The following OTOGL variants were observed in gnomAD, a reference collection of about 807,000 sequenced individuals.
OTOGL encodes otogelin like.
A neutral mutation model predicts 318.5 loss-of-function variants in OTOGL; 285 were observed. The observed-to-expected ratio is 0.89, with a 90% CI of 0.81 to 0.99. OTOGL has a LOEUF of 0.99. Among genes scored for constraint, OTOGL ranks in the 50% least tolerant of loss-of-function variants. The probability of loss-of-function intolerance (pLI) is 0.00; values close to 1 mark genes in which losing one functional copy is unlikely to be tolerated. For synonymous variants in OTOGL, 987 were observed against 936.5 expected, an observed-to-expected ratio of 1.05 and a Z score of -0.99; for missense variants, 2,899 against 2,845.6, an observed-to-expected ratio of 1.02 and a Z score of -0.43.
chr12:80,193,698 T>C (rs1220982955), intron 1 of OTOGL, among the ~76,000 whole-genome samples: 1 of 152,152 alleles, frequency 6.6e-6, no homozygotes, highest in Non-Finnish European at 1.5e-5. Context: ...TTGCGGTACA[T>C]GTGCAAGAGC....
intron 52 of OTOGL, 118 bp downstream of exon 52, chr12:80,359,018 A>G (rs992826200): frequency 2.4e-6 from 2 of 825,706 alleles, no homozygotes; most frequent in Non-Finnish European, 3.6e-6. Context: ...ATTAAATTGT[A>G]CTAAAGTAGA....
At chr12:80,172,302 C>T (rs1485215070) in intron 1 of OTOGL, among the ~76,000 whole-genome samples, 1 of 150,748 alleles carries the variant, frequency 6.6e-6, no homozygotes, top group African/African-American at 2.5e-5. Flanking sequence ...CTCCTTTGAG[C>T]CCCTAGAGTA....
At chr12:80,342,658 T>C (rs544488025) in intron 44 of OTOGL, among the ~76,000 whole-genome samples, 1 of 152,266 alleles carries the variant, frequency 6.6e-6, no homozygotes, top group East Asian at 1.9e-4. Context: ...TAAAGACAAA[T>C]GACAAATACA....
At chr12:80,211,205 ATAT>A (rs1877228505) in intron 3 of OTOGL, among the ~76,000 whole-genome samples, 1 of 152,022 alleles carries the variant, frequency 6.6e-6, no homozygotes, top group Admixed American at 6.6e-5. Flanking sequence ...ATATTCCATA[ATAT>A]TATCCTTTAC....
chr12:80,372,422 G>A (rs1247051523), intron 57 of OTOGL, among the ~76,000 whole-genome samples: 1 of 151,940 alleles, frequency 6.6e-6, no homozygotes, highest in Non-Finnish European at 1.5e-5. Context: ...AAAATGTTTT[G>A]TGATCATATT....
chr12:80,126,097 G>A (rs1280356049), intron 1 of OTOGL, among the ~76,000 whole-genome samples: 4 of 152,064 alleles, frequency 2.6e-5, no homozygotes, highest in Admixed American at 2.6e-4. Context: ...GAGTGTGTTT[G>A]CTCTTGCTTC....
chr12:80,253,371 A>T, intron 13 of OTOGL, 95 bp from the exon 14 acceptor site: 1 of 1,076,396 alleles, frequency 9.3e-7, no homozygotes, highest in Non-Finnish European at 1.4e-6. Context: ...CATCATGCGT[A>T]GGTATTCAAC....
rs768018930 is a variant in OTOGL at position 80,239,441 on chromosome 12, T to G, written c.1052+2T>G. On this transcript the variant is annotated splice_donor_variant, in intron 11 of 58. Coordinates refer to ENST00000547103, the MANE Select transcript of OTOGL (RefSeq NM_001378609.3). LOFTEE classifies it high-confidence loss of function. The stretch of plus-strand genomic sequence containing the variant: ...CAGCTGTGTTAATGATCTTTGCAAG[T>G]AAGTGAAATGACTTGTAGTTGTAAT... 2 of 1,549,302 alleles carry G rather than the reference T, an allele frequency of 1.3e-6. No individual in the cohort carries two copies. Among genetic ancestry groups the G allele is most frequent in the South Asian group, 2.4e-5 (2 of 82,708 alleles).
At chr12:80,281,038 A>G (rs956470075) in intron 26 of OTOGL, among the ~76,000 whole-genome samples, 4 of 151,484 alleles carry the variant, frequency 2.6e-5, no homozygotes, top group African/African-American at 9.7e-5. Flanking sequence ...ATTTTTCTAC[A>G]TTGGTTTTGT....
chr12:80,151,629 T>C lies in OTOGL; in HGVS notation c.-20+52024T>C, dbSNP rs139238684. 9.2e-5 allele frequency among the ~76,000 whole-genome samples: 14 copies of C among 152,336 alleles called. No individual in the cohort carries two copies. The East Asian group carries it at 2.7e-3, about 29-fold the overall frequency. ...GAATTAGTATTGCTGTTTTGGAGCA[T>C]AGAATTATACCTTTAGATATTAGCT... On this transcript the variant is annotated intron_variant, in intron 1 of 58. Transcript: ENST00000547103.
At chr12:80,243,117 C>T (rs1282838287) in intron 11 of OTOGL, among the ~76,000 whole-genome samples, 1 of 151,768 alleles carries the variant, frequency 6.6e-6, no homozygotes, top group African/African-American at 2.4e-5. Context: ...AAATCCATAC[C>T]AAGACACATT....
At chr12:80,240,135 G>A (rs1305034289) in intron 11 of OTOGL, among the ~76,000 whole-genome samples, 1 of 151,986 alleles carries the variant, frequency 6.6e-6, no homozygotes, top group Non-Finnish European at 1.5e-5. Context: ...TCCACTGATG[G>A]ACACAGGTTG....
intron 1 of OTOGL, among the ~76,000 whole-genome samples, chr12:80,158,085 CA>C (rs1375483532): frequency 6.6e-6 from 1 of 152,010 alleles, no homozygotes; most frequent in Non-Finnish European, 1.5e-5. Context: ...AAAAATGCCA[CA>C]AGCTTATAAA....
intron 19 of OTOGL, 138 bp downstream of exon 19, chr12:80,262,231 T>A: frequency 1.1e-6 from 1 of 931,284 alleles, no homozygotes; most frequent in Non-Finnish European, 1.4e-6. Flanking sequence ...CCTCGTGTAT[T>A]TTTTTTTTGC....
chr12:80,182,941 T>C (rs879818264), intron 1 of OTOGL, among the ~76,000 whole-genome samples: 16 of 152,222 alleles, frequency 1.1e-4, no homozygotes, highest in Non-Finnish European at 1.9e-4. Context: ...AGGCTGCTGA[T>C]AGCCCATGTG....
At chr12:80,156,336 C>T (rs1404292796) in intron 1 of OTOGL, among the ~76,000 whole-genome samples, 1 of 152,182 alleles carries the variant, frequency 6.6e-6, no homozygotes, top group Non-Finnish European at 1.5e-5. Flanking sequence ...TTCCTTGCTT[C>T]TCAGCTTACA....
At chr12:80,123,205 C>T (rs967021547) in intron 1 of OTOGL, among the ~76,000 whole-genome samples, 11 of 152,034 alleles carry the variant, frequency 7.2e-5, no homozygotes, top group Non-Finnish European at 1.3e-4. Context: ...CACAACAGGC[C>T]CCAGTGTGTG....
rs1007090946 is a variant in OTOGL, at chr12:80,188,419, T to C, written c.-19-20994T>C. ...CGGGTGTGGTGGCATGCGCCTGTAA[T>C]CCCAGCTACTCAGGAGGCTGAGGCA... On this transcript the variant is annotated intron_variant, in intron 1 of 58. Transcript: ENST00000547103. Among the ~76,000 whole-genome samples the C allele has an allele frequency of 3.3e-5, 5 of 151,710 alleles. No homozygotes were observed. The South Asian group carries it at 8.3e-4, about 25-fold the overall frequency.
chr12:80,353,216 A>C, intron 45 of OTOGL, 109 bp from the exon 46 acceptor site: 2 of 982,312 alleles, frequency 2.0e-6, no homozygotes, highest in South Asian at 6.5e-5. Flanking sequence ...TGAAGAGACT[A>C]AAATTTGCAA....
Sources: allele counts gnomAD v4.1 joint callset (sites outside exome capture counted in the v4.1 genomes callset), GRCh38; gene constraint gnomAD v4.1.1; transcripts MANE v1.5; gene names NCBI Gene and HGNC (gene_info 2026-07-23, HGNC 2026-07-21).